Variants in FILIP1 observed in about 807,000 individuals in gnomAD.
FILIP1 encodes filamin A interacting protein 1, also known as filamin-A-interacting protein 1.
In FILIP1, 61 loss-of-function variants were observed where a neutral mutation model predicts 102.1. That is an observed-to-expected ratio of 0.60 (90% confidence interval 0.49 to 0.74). The LOEUF (loss-of-function observed/expected upper bound fraction) is 0.74, where lower values mean the gene tolerates loss of function less well. FILIP1 is among the 30% of genes least tolerant of loss of function. FILIP1 has a pLI of 0.00. For synonymous variants in FILIP1, 491 were observed against 526.9 expected (o/e 0.93, Z 0.93); for missense variants, 1,314 against 1,441.2 (o/e 0.91, Z 1.43).
intron 3 of FILIP1, among the ~76,000 whole-genome samples, chr6:75,355,584 G>T (rs1205086483): frequency 1.3e-5 from 2 of 151,968 alleles, no homozygotes; most frequent in African/African-American, 2.4e-5. Context: ...TGTATTTTTA[G>T]TAGAGATGAG....
intron 4 of FILIP1, among the ~76,000 whole-genome samples, chr6:75,340,511 C>T (rs1241058110): frequency 2.0e-5 from 3 of 152,146 alleles, no homozygotes; most frequent in Admixed American, 6.5e-5. Context: ...AAATGTATTA[C>T]GTTTTTATAC....
At chr6:75,355,391 ATTTTTTT>A (rs397885759) in intron 3 of FILIP1, among the ~76,000 whole-genome samples, 1 of 131,338 alleles carries the variant, frequency 7.6e-6, no homozygotes, top group Non-Finnish European at 1.6e-5. Context: ...AGGTTATAAG[ATTTTTTT>A]TTTTTTTTTT....
intron 5 of FILIP1, 30 bp downstream of exon 5, chr6:75,312,367 G>A (rs1434652703): frequency 6.3e-7 from 1 of 1,593,900 alleles, no homozygotes; most frequent in East Asian, 2.2e-5. Flanking sequence ...TCCCTCTGCA[G>A]GCCTGCGCTT....
chr6:75,485,990 C>CACAT (rs1554218354), intron 1 of FILIP1, among the ~76,000 whole-genome samples: 1 of 138,830 alleles, frequency 7.2e-6, no homozygotes, highest in African/African-American at 3.0e-5. Flanking sequence ...CACACACACA[C>CACAT]ACACACATAC....
chr6:75,350,299 G>A (rs1488940681), intron 4 of FILIP1, among the ~76,000 whole-genome samples: 1 of 151,884 alleles, frequency 6.6e-6, no homozygotes, highest in Non-Finnish European at 1.5e-5. Flanking sequence ...GAGAGTCAAA[G>A]GTCTCTTAGT....
intron 3 of FILIP1, among the ~76,000 whole-genome samples, chr6:75,354,773 T>G (rs946809743): frequency 6.6e-6 from 1 of 152,138 alleles, no homozygotes; most frequent in Non-Finnish European, 1.5e-5. Flanking sequence ...AGAAAGAGGA[T>G]AACACCCTTC....
intron 1 of FILIP1, among the ~76,000 whole-genome samples, chr6:75,487,781 A>G (rs1386842704): frequency 6.6e-6 from 1 of 152,114 alleles, no homozygotes; most frequent in Non-Finnish European, 1.5e-5. Context: ...AAAGATAAGA[A>G]GCAGATAATT....
chr6:75,355,563 CA>C (rs1774964299), intron 3 of FILIP1, among the ~76,000 whole-genome samples: 1 of 151,854 alleles, frequency 6.6e-6, no homozygotes, highest in Non-Finnish European at 1.5e-5. Flanking sequence ...TCATCACGTC[CA>C]GCTAATTTTT....
intron 2 of FILIP1, among the ~76,000 whole-genome samples, chr6:75,374,159 AG>A (rs1582412512): frequency 1.3e-5 from 2 of 152,176 alleles, no homozygotes; most frequent in East Asian, 3.8e-4. Flanking sequence ...GGATATTAAT[AG>A]TGTGTCAGCT....
rs201906969 is a variant in FILIP1 at position 75,313,877 on chromosome 6, T to A, written c.1955A>T (p.Asp652Val). 6.2e-7 allele frequency: 1 copy of A among 1,614,136 alleles called. No homozygotes were observed. Among genetic ancestry groups the A allele is most frequent in the Non-Finnish European group, 8.5e-7 (1 of 1,180,024 alleles). Residue 652 changes from aspartate (D) to valine (V), a missense_variant, in exon 5 of 6, where the codon GAT becomes GTT. Transcript: ENST00000237172. This position sits in a 1 kb window ranked among gnomAD's most constrained non-coding sequence, Gnocchi z 4.2. ...RLQQLEVVEGDLMKTEDEYDQ... is the reference protein window; with the variant it reads ...RLQQLEVVEGVLMKTEDEYDQ... ...ATACTCATCTTCTGTCTTCATCAAA[T>A]CCCCTTCGACCACTTCCAATTGTTG...
Position 75,314,994 on chromosome 6 carries a change from C to G in FILIP1, c.838G>C (p.Glu280Gln). 1.2e-6 allele frequency: 2 copies of G among 1,613,962 alleles called. No homozygotes were observed. Among genetic ancestry groups the G allele is most frequent in the Non-Finnish European group, 1.7e-6 (2 of 1,179,972 alleles). ...DLTQKLREEE[E>Q]KLKAITSKSK... ...TTGGAAGTAATGGCTTTGAGCTTCT[C>G]TTCTTCTTCCCTCAGCTTCTGAGTA... Residue 280 changes from glutamate to glutamine, a missense_variant, in exon 5 of 6, where the codon GAG (glutamate) becomes CAG (glutamine). Around this residue, in one of 3 missense-constraint regions of FILIP1, gnomAD observed 494 missense variants for 511.2 expected, o/e 0.97. Coordinates refer to ENST00000237172, the MANE Select transcript of FILIP1 (RefSeq NM_015687.5).
At chr6:75,353,184 A>G (rs1044401599) in intron 4 of FILIP1, among the ~76,000 whole-genome samples, 1 of 152,040 alleles carries the variant, frequency 6.6e-6, no homozygotes. Flanking sequence ...GTGCACATGT[A>G]CCCTAGAACT....
At chr6:75,437,284 A>G (rs1230696441) in intron 1 of FILIP1, among the ~76,000 whole-genome samples, 1 of 152,238 alleles carries the variant, frequency 6.6e-6, no homozygotes, top group Non-Finnish European at 1.5e-5. Flanking sequence ...AGTATGTGAC[A>G]ATAAGCTAGG....
At chr6:75,317,032 A>G (rs192217218) in intron 4 of FILIP1, among the ~76,000 whole-genome samples, 1 of 152,210 alleles carries the variant, frequency 6.6e-6, no homozygotes, top group Non-Finnish European at 1.5e-5. Context: ...AAGCTTCTAA[A>G]AATATATTTT....
At chr6:75,298,784 G>T (rs1211661595) in intron 6 of FILIP1, among the ~76,000 whole-genome samples, 1 of 152,048 alleles carries the variant, frequency 6.6e-6, no homozygotes, top group Non-Finnish European at 1.5e-5. Context: ...TGGGCGTGGT[G>T]GTGTGCACCT....
chr6:75,450,499 A>G (rs1156566955), intron 1 of FILIP1, among the ~76,000 whole-genome samples: 2 of 151,996 alleles, frequency 1.3e-5, no homozygotes, highest in African/African-American at 2.4e-5. Flanking sequence ...AAATTAAAAA[A>G]TTAGCTGGAT....
intron 2 of FILIP1, among the ~76,000 whole-genome samples, chr6:75,406,318 C>A (rs911966327): frequency 6.6e-6 from 1 of 152,224 alleles, no homozygotes; most frequent in African/African-American, 2.4e-5. Flanking sequence ...ATGGCCCAGA[C>A]TTTCTCACCC....
chr6:75,312,030 T>C (rs1773204215), intron 5 of FILIP1, among the ~76,000 whole-genome samples: 2 of 152,164 alleles, frequency 1.3e-5, no homozygotes, highest in African/African-American at 4.8e-5. Context: ...TAATTCTTCC[T>C]CCATATAGAC....
intron 2 of FILIP1, 194 bp from the exon 3 acceptor site, chr6:75,363,111 T>C (rs1370170764): frequency 6.1e-6 from 3 of 494,378 alleles, no homozygotes; most frequent in Non-Finnish European, 1.1e-5. Context: ...TTCAGGTTGC[T>C]AGGAAGCAGG....
Sources: allele counts gnomAD v4.1 joint callset (sites outside exome capture counted in the v4.1 genomes callset), GRCh38; gene constraint gnomAD v4.1.1; regional missense constraint gnomAD v4.1.1; non-coding constraint Gnocchi (gnomAD v3.1); transcripts MANE v1.5; gene names NCBI Gene and HGNC (gene_info 2026-07-23, HGNC 2026-07-21).